The following ATP8A2 variants were observed in gnomAD, a reference collection of about 807,000 sequenced individuals.
The protein encoded by ATP8A2 is phospholipid-transporting ATPase IB.
A neutral mutation model predicts 165.6 loss-of-function variants in ATP8A2; 100 were observed. The ratio of observed to expected loss-of-function variants is 0.60; its 90% CI spans 0.51 to 0.71. The LOEUF is 0.71. Among genes scored for constraint, ATP8A2 ranks in the 30% least tolerant of loss-of-function variants. ATP8A2 has a pLI of 0.00. For missense variants in ATP8A2, 1,227 were observed against 1,479.5 expected, an observed-to-expected ratio of 0.83 and a Z score of 2.80; for synonymous variants, 543 against 548.8, an observed-to-expected ratio of 0.99 and a Z score of 0.15.
chr13:25,880,062 A>G (rs1023322133), intron 33 of ATP8A2, among the ~76,000 whole-genome samples: 2 of 152,250 alleles, frequency 1.3e-5, no homozygotes, highest in African/African-American at 4.8e-5. Flanking sequence ...ACAAAGCCAC[A>G]GCGGCGTAGG....
intron 1 of ATP8A2, among the ~76,000 whole-genome samples, chr13:25,385,849 G>A (rs972262554): frequency 6.6e-6 from 1 of 151,498 alleles, no homozygotes; most frequent in Non-Finnish European, 1.5e-5. Flanking sequence ...ACACCACTAT[G>A]CCCAGCTAAT....
chr13:25,954,119 G>T (rs555789719), intron 33 of ATP8A2, among the ~76,000 whole-genome samples: 16 of 152,288 alleles, frequency 1.1e-4, no homozygotes, highest in African/African-American at 3.6e-4. Context: ...TGAAATTCTT[G>T]CTGACAGCAC....
rs190865770 is a variant in ATP8A2, at chr13:25,757,294, C to T, written c.2385-11752C>T. ...GAAAAAGCATCGCTCCCTGTGGCTC[C>T]AGTGGACACACGCGTGCTTTCCTCA... On this transcript the variant is annotated intron_variant, in intron 25 of 36. Coordinates refer to ENST00000381655, the MANE Select transcript of ATP8A2 (RefSeq NM_016529.6). 2.0e-3 allele frequency among the ~76,000 whole-genome samples: 299 copies of T among 152,296 alleles called. 1 individual carries two copies. Among genetic ancestry groups the T allele is most frequent in the Non-Finnish European group, 3.6e-3 (248 of 68,030 alleles).
At chr13:25,452,483 T>C (rs2035255905) in intron 1 of ATP8A2, among the ~76,000 whole-genome samples, 1 of 152,238 alleles carries the variant, frequency 6.6e-6, no homozygotes, top group Non-Finnish European at 1.5e-5. Flanking sequence ...AAGTCAAATA[T>C]CAATATAGTT....
intron 34 of ATP8A2, among the ~76,000 whole-genome samples, chr13:25,967,031 C>T (rs1028386544): frequency 9.2e-5 from 14 of 152,150 alleles, no homozygotes; most frequent in Non-Finnish European, 1.9e-4. Context: ...TCAGGGCAGG[C>T]GGGGCAGGCA....
chr13:25,712,928 A>C (rs1038100213), intron 25 of ATP8A2, among the ~76,000 whole-genome samples: 8 of 152,214 alleles, frequency 5.3e-5, no homozygotes, highest in Non-Finnish European at 1.0e-4. Context: ...AAGATAAGTT[A>C]TTTCATTTGA....
intron 7 of ATP8A2, among the ~76,000 whole-genome samples, chr13:25,540,109 A>C (rs1303403440): frequency 1.3e-5 from 2 of 152,238 alleles, no homozygotes; most frequent in Non-Finnish European, 2.9e-5. Flanking sequence ...AAGGCAGATC[A>C]TCTGGGCAAA....
chr13:25,737,401 A>C (rs983260483), intron 25 of ATP8A2, among the ~76,000 whole-genome samples: 1 of 152,226 alleles, frequency 6.6e-6, no homozygotes, highest in Non-Finnish European at 1.5e-5. Context: ...TTGACCAAGA[A>C]GAGTCACCTG....
intron 24 of ATP8A2, among the ~76,000 whole-genome samples, chr13:25,596,951 T>G (rs1407527321): frequency 6.6e-6 from 1 of 152,190 alleles, no homozygotes; most frequent in Non-Finnish European, 1.5e-5. Context: ...GCCATTCTAG[T>G]GGGTGTGTAT....
In ATP8A2 at chr13:25,718,027, A is replaced by G. The variant is rs139486752; in HGVS notation, c.2384+18682A>G. Among the ~76,000 whole-genome samples, 494 of 152,316 alleles carry G rather than the reference A, an allele frequency of 3.2e-3. 2 individuals are homozygous for G. Among genetic ancestry groups the G allele is most frequent in the African/African-American group, 0.011 (457 of 41,574 alleles). ...AGTCCCCAGGGTTTCAGTGAAGCAG[A>G]TGGCAGGAAGGGTCTGGGCATGGTG... On this transcript the variant is annotated intron_variant, in intron 25 of 36. Transcript: ENST00000381655.
intron 1 of ATP8A2, among the ~76,000 whole-genome samples, chr13:25,376,849 T>C (rs1372674328): frequency 6.6e-6 from 1 of 152,224 alleles, no homozygotes; most frequent in Non-Finnish European, 1.5e-5. Flanking sequence ...TCTTTTACTG[T>C]CATTATCCAG....
intron 2 of ATP8A2, among the ~76,000 whole-genome samples, chr13:25,473,991 T>A (rs2035920760): frequency 6.6e-6 from 1 of 152,236 alleles, no homozygotes; most frequent in Admixed American, 6.5e-5. Context: ...CAGCATGCCA[T>A]TTGAAATAGT....
chr13:25,847,003 A>T (rs988225441), intron 30 of ATP8A2, among the ~76,000 whole-genome samples: 1 of 152,234 alleles, frequency 6.6e-6, no homozygotes, highest in African/African-American at 2.4e-5. Flanking sequence ...TATGTGCAGC[A>T]TGGAAAAGAT....
intron 1 of ATP8A2, among the ~76,000 whole-genome samples, chr13:25,397,937 C>T (rs1317899915): frequency 2.6e-5 from 4 of 152,070 alleles, no homozygotes; most frequent in Non-Finnish European, 4.4e-5. Flanking sequence ...TTGAAGGCAG[C>T]GGGAAGAAAT....
intron 12 of ATP8A2, among the ~76,000 whole-genome samples, chr13:25,554,675 C>CAG (rs2038927522): frequency 6.6e-6 from 1 of 151,922 alleles, no homozygotes; most frequent in Non-Finnish European, 1.5e-5. Flanking sequence ...TCTCATGCGT[C>CAG]AGCCTCCCTG....
At position 25,869,553 on chromosome 13, in the gene ATP8A2, G is replaced by A. The variant is rs571948250; in HGVS notation, c.3183+7145G>A. Among the ~76,000 whole-genome samples the A allele has an allele frequency of 9.2e-5, 14 of 152,232 alleles. No individual in the cohort carries two copies. The South Asian group carries it at 1.0e-3, about 11-fold the overall frequency. ...TATTGTCTGTAATATCCATACTTGC[G>A]TTATTTCTGAGCTTGTTTTTCAGGT... On this transcript the variant is annotated intron_variant, in intron 33 of 36. Coordinates refer to ENST00000381655, the MANE Select transcript of ATP8A2 (RefSeq NM_016529.6).
At chr13:25,375,049 T>G (rs1413358622) in intron 1 of ATP8A2, among the ~76,000 whole-genome samples, 1 of 152,224 alleles carries the variant, frequency 6.6e-6, no homozygotes, top group Non-Finnish European at 1.5e-5. Context: ...TGATCAGTTT[T>G]AGCTTTCCCC....
intron 24 of ATP8A2, among the ~76,000 whole-genome samples, chr13:25,629,962 T>A (rs923074494): frequency 3.9e-5 from 6 of 152,196 alleles, no homozygotes; most frequent in Admixed American, 1.3e-4. Flanking sequence ...TTAGAGTTGC[T>A]GAAGTATTTA....
intron 33 of ATP8A2, among the ~76,000 whole-genome samples, chr13:25,888,028 C>A (rs1953214483): frequency 6.6e-6 from 1 of 150,628 alleles, no homozygotes; most frequent in Admixed American, 6.6e-5. Context: ...TGGCACTGCC[C>A]ATGGAGAGTA....
Sources: allele counts gnomAD v4.1 joint callset (sites outside exome capture counted in the v4.1 genomes callset), GRCh38; gene constraint gnomAD v4.1.1; transcripts MANE v1.5; gene names NCBI Gene and HGNC (gene_info 2026-07-23, HGNC 2026-07-21).